GALNTL6: variants seen among roughly 807,000 people sequenced by gnomAD.
GALNTL6 encodes polypeptide N-acetylgalactosaminyltransferase like 6, also known as polypeptide N-acetylgalactosaminyltransferase-like 6.
GALNTL6 carries 46 observed loss-of-function variants against 73.7 expected under a neutral mutation model. The observed-to-expected ratio is 0.62, with a 90% confidence interval of 0.49 to 0.80. The LOEUF (loss-of-function observed/expected upper bound fraction) is 0.80, where lower values mean the gene tolerates loss of function less well. GALNTL6 is among the 30% of genes least tolerant of loss of function. The pLI, the probability that GALNTL6 is intolerant of heterozygous loss-of-function variation, is 0.00. For missense variants in GALNTL6, 604 were observed against 755.0 expected, an observed-to-expected ratio of 0.80 and a Z score of 2.34; for synonymous variants, 259 against 263.7, an observed-to-expected ratio of 0.98 and a Z score of 0.17.
chr4:172,292,695 G>T (rs1739517440), intron 3 of GALNTL6, among the ~76,000 whole-genome samples: 1 of 151,952 alleles, frequency 6.6e-6, no homozygotes, highest in East Asian at 1.9e-4. Context: ...AGAAAATGTT[G>T]GTATAAAGAC....
intron 7 of GALNTL6, among the ~76,000 whole-genome samples, chr4:172,874,111 A>T (rs1302940448): frequency 6.6e-6 from 1 of 152,320 alleles, no homozygotes; most frequent in Non-Finnish European, 1.5e-5. Flanking sequence ...CATGAATGAA[A>T]AGTTATATTT....
chr4:171,847,921 T>G (rs1225783417), intron 2 of GALNTL6, among the ~76,000 whole-genome samples: 1 of 152,186 alleles, frequency 6.6e-6, no homozygotes, highest in Non-Finnish European at 1.5e-5. Flanking sequence ...TGACATTACC[T>G]TCTCCCATGA....
At chr4:172,078,287 G>A (rs1505484) in intron 2 of GALNTL6, among the ~76,000 whole-genome samples, 70,083 of 151,824 alleles carry the variant, frequency 0.46, 16,659 homozygotes, top group Admixed American at 0.49. Flanking sequence ...AAAAGTGTAC[G>A]GCACATCCCC....
At chr4:171,898,514 G>A (rs1182915581) in intron 2 of GALNTL6, among the ~76,000 whole-genome samples, 1 of 151,922 alleles carries the variant, frequency 6.6e-6, no homozygotes, top group African/African-American at 2.4e-5. Context: ...ATACTAATCA[G>A]CAGTAAAAAG....
intron 7 of GALNTL6, among the ~76,000 whole-genome samples, chr4:172,819,350 C>A (rs752877840): frequency 2.0e-5 from 3 of 152,156 alleles, no homozygotes; most frequent in Non-Finnish European, 4.4e-5. Flanking sequence ...GGTTCTTAGG[C>A]AACAAATATA....
Position 172,373,021 on chromosome 4 carries a change from A to G in GALNTL6, c.553+24332A>G, listed in dbSNP as rs59807098. Among the ~76,000 whole-genome samples the G allele has an allele frequency of 2.7e-3, 412 of 152,288 alleles. 1 individual carries two copies. The highest frequency in any genetic ancestry group is 9.4e-3 in the African/African-American group (392 of 41,558). On this transcript the variant is annotated intron_variant, in intron 5 of 12. Coordinates refer to ENST00000506823, the MANE Select transcript of GALNTL6 (RefSeq NM_001034845.3). ...GTACCCTTGATCGGCTAGAAAGTTC[A>G]AGAGTTCTAGAGTACCCTGCTGGCA...
intron 10 of GALNTL6, among the ~76,000 whole-genome samples, chr4:172,965,341 C>T (rs2126390695): frequency 6.6e-6 from 1 of 152,276 alleles, no homozygotes; most frequent in South Asian, 2.1e-4. Flanking sequence ...AATCCCAGCA[C>T]TTTGGGAGGC....
At chr4:172,836,896 A>G (rs1210244053) in intron 7 of GALNTL6, among the ~76,000 whole-genome samples, 1 of 152,218 alleles carries the variant, frequency 6.6e-6, no homozygotes, top group African/African-American at 2.4e-5. Context: ...CACACACCTC[A>G]GCCAAGTGCT....
intron 5 of GALNTL6, among the ~76,000 whole-genome samples, chr4:172,475,146 G>A (rs569848107): frequency 6.6e-6 from 1 of 152,314 alleles, no homozygotes; most frequent in Non-Finnish European, 1.5e-5. Flanking sequence ...GAAAGAATGT[G>A]TCACATCTCT....
intron 8 of GALNTL6, among the ~76,000 whole-genome samples, chr4:172,890,259 C>T (rs2111210680): frequency 6.6e-6 from 1 of 152,068 alleles, no homozygotes; most frequent in South Asian, 2.1e-4. Flanking sequence ...TCATTTAATT[C>T]TGCTCTGATT....
intron 2 of GALNTL6, among the ~76,000 whole-genome samples, chr4:171,885,021 C>T (rs1367336004): frequency 9.9e-5 from 15 of 150,964 alleles, no homozygotes; most frequent in South Asian, 2.1e-4. Flanking sequence ...TGTGCTGCTG[C>T]ACTCCAGCCT....
At chr4:173,026,747 A>C (rs1481393690) in intron 12 of GALNTL6, among the ~76,000 whole-genome samples, 1 of 152,104 alleles carries the variant, frequency 6.6e-6, no homozygotes, top group Non-Finnish European at 1.5e-5. Context: ...GATTTTTTCT[A>C]TATATAAGTG....
intron 5 of GALNTL6, among the ~76,000 whole-genome samples, chr4:172,611,522 G>T (rs919694992): frequency 6.6e-6 from 1 of 152,004 alleles, no homozygotes; most frequent in Non-Finnish European, 1.5e-5. Flanking sequence ...GGCTTGTAGG[G>T]TTCTGCCAAA....
chr4:172,155,440 C>A (rs1248355649), intron 2 of GALNTL6, among the ~76,000 whole-genome samples: 2 of 152,104 alleles, frequency 1.3e-5, no homozygotes, highest in Non-Finnish European at 2.9e-5. Context: ...TGGGGTTCAG[C>A]CTTCAGAACT....
At chr4:172,126,943 C>T (rs577474451) in intron 2 of GALNTL6, among the ~76,000 whole-genome samples, 1 of 152,226 alleles carries the variant, frequency 6.6e-6, no homozygotes, top group African/African-American at 2.4e-5. Flanking sequence ...CTGTCCTCAG[C>T]AGGAAGCCAC....
At chr4:172,420,566 A>G (rs1202797164) in intron 5 of GALNTL6, among the ~76,000 whole-genome samples, 4 of 152,146 alleles carry the variant, frequency 2.6e-5, no homozygotes, top group African/African-American at 7.2e-5. Flanking sequence ...GACATTCTCA[A>G]TGAGCCTCAA....
At chr4:172,356,490 C>T (rs553893988) in intron 5 of GALNTL6, among the ~76,000 whole-genome samples, 3 of 152,146 alleles carry the variant, frequency 2.0e-5, no homozygotes, top group Non-Finnish European at 4.4e-5. Flanking sequence ...AACATTTTCT[C>T]TTTTATCCTG....
At chr4:172,046,262 G>C (rs981937383) in intron 2 of GALNTL6, among the ~76,000 whole-genome samples, 1 of 151,928 alleles carries the variant, frequency 6.6e-6, no homozygotes, top group African/African-American at 2.4e-5. Flanking sequence ...TTTTGGGCAC[G>C]TACCCAGAAG....
chr4:171,880,274 G>C (rs1195914748), intron 2 of GALNTL6, among the ~76,000 whole-genome samples: 1 of 152,150 alleles, frequency 6.6e-6, no homozygotes, highest in African/African-American at 2.4e-5. Flanking sequence ...AGGTTACTTT[G>C]TACAAATAAC....
Sources: allele counts gnomAD v4.1 joint callset (sites outside exome capture counted in the v4.1 genomes callset), GRCh38; gene constraint gnomAD v4.1.1; transcripts MANE v1.5; gene names NCBI Gene and HGNC (gene_info 2026-07-23, HGNC 2026-07-21).